MMP17: variants seen among roughly 807,000 people sequenced by gnomAD.
MMP17 encodes matrix metalloproteinase-17.
In MMP17, 54 loss-of-function variants were observed where a neutral mutation model predicts 49.1. The observed-to-expected ratio is 1.10, with a 90% CI of 0.88 to 1.38. The LOEUF is 1.38. MMP17 is among the 40% of genes most tolerant of loss of function. The probability of loss-of-function intolerance (pLI) is 0.00; values close to 1 mark genes in which losing one functional copy is unlikely to be tolerated. For missense variants in MMP17, 837 were observed against 853.7 expected (o/e 0.98, Z 0.24); for synonymous variants, 397 against 383.1 (o/e 1.04, Z -0.42).
chr12:131,850,795 T>C, intron 9 of MMP17, 130 bp from the exon 10 acceptor site: 1 of 521,250 alleles, frequency 1.9e-6, no homozygotes, highest in East Asian at 4.8e-5. Context: ...GCAAGCCCCC[T>C]GCTGTCTGGC....
chr12:131,841,898 C>T lies in MMP17; in HGVS notation c.883+98C>T, dbSNP rs907158773. 2.4e-5 allele frequency: 32 copies of T among 1,315,768 alleles called. No homozygotes were observed. The East Asian group carries it at 7.1e-4, about 29-fold the overall frequency. 81.5% of individuals were successfully genotyped at this position (1,315,768 alleles called of 1,614,324 possible). A position where few individuals can be genotyped will look rare whatever the true frequency, so the allele number is the denominator to read the frequency against. On this transcript the variant is annotated intron_variant, in intron 5 of 9. Transcript: ENST00000360564. ...AGCCCCCCCGGGAGGGTTTGCTCTC[C>T]CCGCTGTTCCCTCCACGGATGGTGC...
intron 8 of MMP17, among the ~76,000 whole-genome samples, chr12:131,848,162 T>C (rs1887799947): frequency 1.3e-5 from 2 of 152,310 alleles, no homozygotes; most frequent in South Asian, 4.1e-4. Context: ...CTCAGCTCAC[T>C]GCGGCCTCGA....
At chr12:131,841,040 G>T (rs1032903247) in intron 4 of MMP17, among the ~76,000 whole-genome samples, 184 bp downstream of exon 4, 2 of 152,364 alleles carry the variant, frequency 1.3e-5, no homozygotes, top group African/African-American at 4.8e-5. Context: ...GGCTGACCTC[G>T]CTGGGTGCTG....
rs143476068 is a variant in MMP17, at chr12:131,845,139, C to T, written c.990C>T (p.His330=). 3.1e-6 allele frequency: 5 copies of T among 1,608,974 alleles called. No individual in the cohort carries two copies. The highest frequency in any genetic ancestry group is 4.2e-6 in the Non-Finnish European group (5 of 1,178,776). ...SSAPPRKDVP[H]RCSTHFDAVA... ...GCAGGCCCAGGAAGGACGTGCCCCA[C>T]AGATGCAGCACTCACTTTGACGCGG... Residue 330 remains histidine (H), a synonymous_variant, in exon 7 of 10, where the codon CAC becomes CAT. Coordinates refer to ENST00000360564, the MANE Select transcript of MMP17 (RefSeq NM_016155.7).
At chr12:131,850,447 C>T (rs148299955) in intron 9 of MMP17, among the ~76,000 whole-genome samples, 3,469 of 152,356 alleles carry the variant, frequency 0.023, 85 homozygotes, top group Admixed American at 0.08. Context: ...TGCCACGTCC[C>T]ACAGTGTAGA....
chr12:131,834,676 C>T (rs1886988327), intron 1 of MMP17, among the ~76,000 whole-genome samples: 1 of 152,004 alleles, frequency 6.6e-6, no homozygotes, highest in Admixed American at 6.6e-5. Flanking sequence ...CACATTTGCC[C>T]TGAGCTGCTG....
intron 3 of MMP17, 119 bp from the exon 4 acceptor site, chr12:131,840,454 A>T: frequency 1.9e-6 from 2 of 1,060,208 alleles, no homozygotes; most frequent in South Asian, 1.6e-5. Flanking sequence ...AGGAAGGCGG[A>T]AGATGGGGGA....
In MMP17 at chr12:131,850,990, C is replaced by T. The variant is rs763299915; in HGVS notation, c.1528C>T (p.Pro510Ser). ...KVLDGELEVA[P>S]GYPQSTARDW... ...GCTGGATGGCGAGCTGGAGGTGGCA[C>T]CCGGGTACCCACAGTCCACGGCCCG... The change falls in exon 10 of 10, where the codon CCC becomes TCC. Residue 510 changes from proline (P) to serine (S), a missense_variant. Pro to Ser is a moderately conservative substitution (Grantham distance 74, BLOSUM62 -1). Transcript: ENST00000360564. 3 of 1,565,984 alleles carry T rather than the reference C, an allele frequency of 1.9e-6. No individual in the cohort carries two copies. The highest frequency in any genetic ancestry group is 2.6e-6 in the Non-Finnish European group (3 of 1,157,724).
chr12:131,831,004 G>C (rs1027426711), intron 1 of MMP17, among the ~76,000 whole-genome samples: 1 of 152,228 alleles, frequency 6.6e-6, no homozygotes, highest in Admixed American at 6.5e-5. Context: ...CCTGGTTCCT[G>C]GGCACGGATG....
At chr12:131,829,360 C>A (rs1270903895) in intron 1 of MMP17, among the ~76,000 whole-genome samples, 1 of 152,222 alleles carries the variant, frequency 6.6e-6, no homozygotes, top group Non-Finnish European at 1.5e-5. Context: ...GGGGCAGCGA[C>A]GTGGCCTCTT....
chr12:131,828,653 G>A lies in MMP17; in HGVS notation c.159G>A (p.Val53=). ...APRAEDLSLG[V]EWLSRFGYLP... ...GCGCCGAGGACCTCAGCCTGGGAGT[G>A]GTGAGCGCGCGGGCGGGACGGGCGC... is the stretch of plus-strand genomic sequence containing the variant. The change falls in exon 1 of 10, where the codon GTG becomes GTA. Residue 53 remains valine, a splice_region_variant and synonymous_variant. Coordinates refer to ENST00000360564, the MANE Select transcript of MMP17 (RefSeq NM_016155.7). 2.0e-6 allele frequency: 1 copy of A among 507,720 alleles called. No individual in the cohort carries two copies. The allele number at this position is 507,720 out of a possible 1,614,324, so 31.5% of individuals were successfully genotyped here. A position where few individuals can be genotyped will look rare whatever the true frequency, so the allele number is the denominator to read the frequency against.
chr12:131,845,985 C>T (rs982369272), intron 8 of MMP17, among the ~76,000 whole-genome samples: 8 of 152,166 alleles, frequency 5.3e-5, no homozygotes, highest in East Asian at 1.9e-4. Flanking sequence ...TGGTCGGCCC[C>T]GGTGCCCACC....
rs1887973938 is a variant in MMP17, at chr12:131,851,522, C to T, written c.*248C>T. 1 of 396,026 alleles carries T rather than the reference C, an allele frequency of 2.5e-6. No homozygotes were observed. Among genetic ancestry groups the T allele is most frequent in the Non-Finnish European group, 4.4e-6 (1 of 225,412 alleles). 24.5% of individuals were successfully genotyped at this position (396,026 alleles called of 1,614,324 possible). A position where few individuals can be genotyped will look rare whatever the true frequency, so the allele number is the denominator to read the frequency against. ...AGGGGTGGCCGCTCCAGAAGGGTGC[C>T]CAGTCAGGCCGCACCGCCGCCAGCC... On this transcript the variant is annotated 3_prime_UTR_variant, in exon 10 of 10. Transcript: ENST00000360564.
intron 2 of MMP17, 55 bp downstream of exon 2, chr12:131,838,382 G>A (rs963030636): frequency 5.9e-5 from 94 of 1,589,410 alleles, no homozygotes; most frequent in East Asian, 3.6e-4. Flanking sequence ...GTCTGCGCCC[G>A]TCGGCCATGC....
At chr12:131,830,261 C>T (rs766110246) in intron 1 of MMP17, among the ~76,000 whole-genome samples, 2 of 152,266 alleles carry the variant, frequency 1.3e-5, no homozygotes, top group South Asian at 4.1e-4. Context: ...CTCCTCTCGG[C>T]TGGTACCTGC....
intron 1 of MMP17, among the ~76,000 whole-genome samples, chr12:131,832,435 C>T (rs1399885461): frequency 6.6e-6 from 1 of 151,652 alleles, no homozygotes; most frequent in Non-Finnish European, 1.5e-5. Context: ...GCAGGGTGTT[C>T]CCTGACACAG....
chr12:131,841,315 C>T (rs965424051), intron 4 of MMP17, among the ~76,000 whole-genome samples: 3 of 152,204 alleles, frequency 2.0e-5, no homozygotes, highest in African/African-American at 7.2e-5. Context: ...TCAGGTCATC[C>T]GACCGACACC....
intron 9 of MMP17, among the ~76,000 whole-genome samples, 163 bp downstream of exon 9, chr12:131,850,222 C>T (rs754884723): frequency 1.3e-5 from 2 of 152,136 alleles, no homozygotes; most frequent in Non-Finnish European, 2.9e-5. Context: ...ACCCTGCAGG[C>T]GTCCCCGAGT....
chr12:131,837,692 T>A (rs1887149861), intron 1 of MMP17, among the ~76,000 whole-genome samples: 1 of 152,218 alleles, frequency 6.6e-6, no homozygotes, highest in Admixed American at 6.5e-5. Context: ...GCTCACACCA[T>A]CTAAGGGACA....
Sources: gnomAD v4.1 joint callset for allele counts (sites outside exome capture counted in the v4.1 genomes callset) on GRCh38, gnomAD v4.1.1 for gene constraint, MANE v1.5 for transcripts, NCBI Gene and HGNC (gene_info 2026-07-23, HGNC 2026-07-21) for gene names.